The following IL11 variants were observed in gnomAD, a reference collection of about 807,000 sequenced individuals.
IL11 encodes the protein interleukin-11.
IL11 carries 17 observed loss-of-function variants against 18.1 expected under a neutral mutation model. The observed-to-expected ratio is 0.94, with a 90% CI of 0.64 to 1.41. The LOEUF is 1.41. Among genes scored for constraint, IL11 ranks in the 40% most tolerant of loss-of-function variants. The probability of loss-of-function intolerance (pLI) is 0.00; values close to 1 mark genes in which losing one functional copy is unlikely to be tolerated. For synonymous variants in IL11, 144 were observed against 134.1 expected, an observed-to-expected ratio of 1.07 and a Z score of -0.51; for missense variants, 309 against 262.8, an observed-to-expected ratio of 1.18 and a Z score of -1.22.
chr19:55,368,961 G>A lies in IL11; in HGVS notation c.8-20C>T, dbSNP rs979895815. 4.1e-6 allele frequency: 6 copies of A among 1,476,964 alleles called. No homozygotes were observed. In the African/African-American group the frequency reaches 7.0e-5, roughly 17 times the overall value. The allele number at this position is 1,476,964 out of a possible 1,614,324, so 91.5% of individuals were successfully genotyped here. A position where few individuals can be genotyped will look rare whatever the true frequency, so the allele number is the denominator to read the frequency against. On this transcript the variant is annotated intron_variant, in intron 1 of 4. Transcript: ENST00000264563. The stretch of plus-strand genomic sequence containing the variant: ...AAACACCTGGGGGCAGGATAAGGCA[G>A]AGAGCTCAGGCTGGACTCCGGGTCT...
chr19:55,370,233 C>A, intron 1 of IL11, 71 bp downstream of exon 1: 1 of 1,213,920 alleles, frequency 8.2e-7, no homozygotes, highest in South Asian at 1.3e-5. Flanking sequence ...GGGGTCTGCT[C>A]CCACCCCCGC....
In IL11 at chr19:55,368,499, G is replaced by A. The variant is rs955968619; in HGVS notation, c.251C>T (p.Ala84Val). The A allele has an allele frequency of 4.3e-6, 7 of 1,611,594 alleles. No homozygotes were observed. The highest frequency in any genetic ancestry group is 5.9e-6 in the Non-Finnish European group (7 of 1,178,866). The change falls in exon 3 of 5, where the codon GCA becomes GTA. Residue 84 changes from alanine to valine, a missense_variant. Physicochemically the swap from Ala to Val is moderately conservative, Grantham distance 64. Coordinates refer to ENST00000264563, the MANE Select transcript of IL11 (RefSeq NM_000641.4). ...SLPTLAMSAG[A>V]LGALQLPGVL... ...TGCCCTTACCTGTAGAGCTCCCAGT[G>A]CCCCCGCACTCATGGCCAGGGTGGG...
In IL11 at chr19:55,364,579, T is replaced by C. The variant is rs958204330; in HGVS notation, c.*1428A>G. ...CCTTTAGGATTTTTGTTTTAATCCA[T>C]ATATAGAAAGAAAAACACAAAATTG... On this transcript the variant is annotated 3_prime_UTR_variant, in exon 5 of 5. Coordinates refer to ENST00000264563, the MANE Select transcript of IL11 (RefSeq NM_000641.4). The C allele has an allele frequency of 5.9e-5, 9 of 152,204 alleles. No individual in the cohort carries two copies. Among genetic ancestry groups the C allele is most frequent in the African/African-American group, 2.2e-4 (9 of 41,446 alleles). 9.4% of individuals were successfully genotyped at this position (152,204 alleles called of 1,614,324 possible).
In IL11 at chr19:55,369,650, G is replaced by C. The variant is rs1429334583; in HGVS notation, c.7+654C>G. Among the ~76,000 whole-genome samples, 27 of 131,206 alleles carry C rather than the reference G, an allele frequency of 2.1e-4. No individual in the cohort carries two copies. Among genetic ancestry groups the C allele is most frequent in the Admixed American group, 1.9e-3 (27 of 14,102 alleles). The allele number at this position is 131,206 out of a possible 152,430, so 86.1% of individuals were successfully genotyped here. ...GCGCGGGGGGCGCGGGGGGCGCGGG[G>C]GTCCGGAGCTCGCTCCCCGCAGCCC... is the stretch of plus-strand genomic sequence containing the variant. On this transcript the variant is annotated intron_variant, in intron 1 of 4. Coordinates refer to ENST00000264563, the MANE Select transcript of IL11 (RefSeq NM_000641.4). The surrounding 1 kb of genome is among the most constrained non-coding windows in gnomAD (Gnocchi z 6.1).
In IL11 at chr19:55,370,358, G is replaced by C; in HGVS notation, c.-48C>G. On this transcript the variant is annotated 5_prime_UTR_variant, in exon 1 of 5. Coordinates refer to ENST00000264563, the MANE Select transcript of IL11 (RefSeq NM_000641.4). ...CCCAGGGCAGGGGGCAGGGAGCCGG[G>C]GGCCTTTAACCCTTCCCTGTCCGCT... The C allele has an allele frequency of 7.1e-7, 1 of 1,399,218 alleles. No individual in the cohort carries two copies. Among genetic ancestry groups the C allele is most frequent in the East Asian group, 2.9e-5 (1 of 33,982 alleles). 86.7% of individuals were successfully genotyped at this position (1,399,218 alleles called of 1,614,324 possible).
At position 55,365,868 on chromosome 19, in the gene IL11, C is replaced by A; in HGVS notation, c.*139G>T. On this transcript the variant is annotated 3_prime_UTR_variant, in exon 5 of 5. Coordinates refer to ENST00000264563, the MANE Select transcript of IL11 (RefSeq NM_000641.4). ...GTATAAATAAGGCACAGATGCCCCC[C>A]AGGCCTCACGGAAGGACTGTCTCTA... The A allele has an allele frequency of 2.2e-6, 3 of 1,363,526 alleles. No individual in the cohort carries two copies. In the South Asian group the frequency reaches 3.9e-5, roughly 18 times the overall value. 84.5% of individuals were successfully genotyped at this position (1,363,526 alleles called of 1,614,324 possible).
At chr19:55,368,435 T>G in intron 3 of IL11, 48 bp downstream of exon 3, 1 of 1,579,332 alleles carries the variant, frequency 6.3e-7, no homozygotes, top group Middle Eastern at 1.7e-4. Context: ...CCCGCCCCCT[T>G]CACTGCCTGC....
Position 55,365,798 on chromosome 19 carries a change from C to T in IL11, c.*209G>A, listed in dbSNP as rs886544917. ...ACCCCAGTCCCCTCCTCCTCGGGGA[C>T]CCAGGAGTCCACCTGCCTCCCACCC... is the stretch of plus-strand genomic sequence containing the variant. On this transcript the variant is annotated 3_prime_UTR_variant, in exon 5 of 5. Transcript: ENST00000264563. The T allele has an allele frequency of 1.4e-6, 1 of 723,708 alleles. No individual in the cohort carries two copies. The highest frequency in any genetic ancestry group is 2.1e-6 in the Non-Finnish European group (1 of 466,492). 44.8% of individuals were successfully genotyped at this position (723,708 alleles called of 1,614,324 possible).
In IL11 at chr19:55,365,501, C is replaced by T. The variant is rs572947521; in HGVS notation, c.*506G>A. The stretch of plus-strand genomic sequence containing the variant: ...TGAATGGAGGTCTCCCCTCCACCTG[C>T]CCTGCCCCAGTTACCCAAGCATCCA... On this transcript the variant is annotated 3_prime_UTR_variant, in exon 5 of 5. Coordinates refer to ENST00000264563, the MANE Select transcript of IL11 (RefSeq NM_000641.4). The T allele has an allele frequency of 5.9e-6, 1 of 168,548 alleles. No homozygotes were observed. The highest frequency in any genetic ancestry group is 6.3e-5 in the Admixed American group (1 of 15,996). The allele number at this position is 168,548 out of a possible 1,614,324, so 10.4% of individuals were successfully genotyped here.
chr19:55,368,903 G>A lies in IL11; in HGVS notation c.46C>T (p.Pro16Ser). ...GGCCCAGGGGCGACAGCTGTATCTG[G>A]CCACAGGCTCAGCACGACCAGGACC... Reference protein sequence around the residue: ...RLVLVVLSLWPDTAVAPGPPP... With the variant: ...RLVLVVLSLWSDTAVAPGPPP... Residue 16 changes from proline to serine, a missense_variant, in exon 2 of 5, where the codon CCA (proline) becomes TCA (serine). Coordinates refer to ENST00000264563, the MANE Select transcript of IL11 (RefSeq NM_000641.4). 1 of 1,555,828 alleles carries A rather than the reference G, an allele frequency of 6.4e-7. No homozygotes were observed. The highest frequency in any genetic ancestry group is 8.7e-7 in the Non-Finnish European group (1 of 1,148,740).
rs867849030 is a variant in IL11 at position 55,365,902 on chromosome 19, G to A, written c.*105C>T. The A allele has an allele frequency of 1.3e-6, 2 of 1,512,120 alleles. No individual in the cohort carries two copies. Among genetic ancestry groups the A allele is most frequent in the African/African-American group, 2.8e-5 (2 of 71,740 alleles). 93.7% of individuals were successfully genotyped at this position (1,512,120 alleles called of 1,614,324 possible). A position where few individuals can be genotyped will look rare whatever the true frequency, so the allele number is the denominator to read the frequency against. ...CGGAAGGACTGTCTCTAACTAGGGGGAGATAATGGCGGGGGGATCACCTGG... is the reference window on the plus strand; with the variant it reads ...CGGAAGGACTGTCTCTAACTAGGGGAAGATAATGGCGGGGGGATCACCTGG... On this transcript the variant is annotated 3_prime_UTR_variant, in exon 5 of 5. Transcript: ENST00000264563.
intron 2 of IL11, 81 bp from the exon 3 acceptor site, chr19:55,368,650 TC>T: frequency 6.7e-7 from 1 of 1,483,820 alleles, no homozygotes; most frequent in Non-Finnish European, 9.1e-7. Flanking sequence ...CCCCAACTCT[TC>T]CCCTCCCTCA....
In IL11 at chr19:55,366,284, G is replaced by T. The variant is rs1053493550; in HGVS notation, c.430-107C>A. Reference sequence around the variant, plus strand: ...AATCGGGGCTGCATATTCACAGGGGGACTGTGGCGCGTGGGGTGAAGTGTT... The same window carrying T: ...AATCGGGGCTGCATATTCACAGGGGTACTGTGGCGCGTGGGGTGAAGTGTT... On this transcript the variant is annotated intron_variant, in intron 4 of 4. Transcript: ENST00000264563. The surrounding 1 kb of genome is among the most constrained non-coding windows in gnomAD (Gnocchi z 4.6). The T allele has an allele frequency of 5.4e-5, 66 of 1,221,320 alleles. No homozygotes were observed. The highest frequency in any genetic ancestry group is 6.8e-5 in the Non-Finnish European group (62 of 913,050). The allele number at this position is 1,221,320 out of a possible 1,614,324, so 75.7% of individuals were successfully genotyped here. A position where few individuals can be genotyped will look rare whatever the true frequency, so the allele number is the denominator to read the frequency against.
At position 55,368,340 on chromosome 19, in the gene IL11, T is replaced by C. The variant is rs746730859; in HGVS notation, c.299A>G (p.Asp100Gly). The C allele has an allele frequency of 2.5e-6, 4 of 1,599,348 alleles. No individual in the cohort carries two copies. The highest frequency in any genetic ancestry group is 3.4e-6 in the Non-Finnish European group (4 of 1,171,042). Residue 100 changes from aspartate to glycine, a missense_variant, in exon 4 of 5, where the codon GAC becomes GGC. Coordinates refer to ENST00000264563, the MANE Select transcript of IL11 (RefSeq NM_000641.4). ...LPGVLTRLRA[D>G]LLSYLRHVQW... Reference sequence around the variant, plus strand: ...CACGTGCCGCAGGTAGGACAGTAGGTCCGCTCGCAGCCTTGTCAGCACACC... The same window carrying C: ...CACGTGCCGCAGGTAGGACAGTAGGCCCGCTCGCAGCCTTGTCAGCACACC...
Position 55,370,387 on chromosome 19 carries a change from G to A in IL11, c.-77C>T, listed in dbSNP as rs563748039. 6.0e-4 allele frequency: 777 copies of A among 1,287,720 alleles called. 1 individual carries two copies. The African/African-American group carries it at 0.011, about 18-fold the overall frequency. 79.8% of individuals were successfully genotyped at this position (1,287,720 alleles called of 1,614,324 possible). ...CTTTAACCCTTCCCTGTCCGCTGCC[G>A]GGGGAGCCCCGAGGGTCAGCTGGGC... On this transcript the variant is annotated 5_prime_UTR_variant, in exon 1 of 5. Transcript: ENST00000264563.
Position 55,368,227 on chromosome 19 carries a change from G to T in IL11, c.412C>A (p.Arg138Ser). ...GGACATACCAGGAGCTGCAGCCGGC[G>T]CAGCAGCCGGTCCAGTCGGGCCTGC... ...TLQARLDRLL[R>S]RLQLLMSRLA... Residue 138 changes from arginine (R) to serine (S), a missense_variant, in exon 4 of 5, where the codon CGC becomes AGC. Transcript: ENST00000264563. 6.5e-7 allele frequency: 1 copy of T among 1,534,070 alleles called. No individual in the cohort carries two copies. The highest frequency in any genetic ancestry group is 8.8e-7 in the Non-Finnish European group (1 of 1,136,346).
Position 55,365,900 on chromosome 19 carries a change from G to A in IL11, c.*107C>T. 6.6e-7 allele frequency: 1 copy of A among 1,505,070 alleles called. No homozygotes were observed. Among genetic ancestry groups the A allele is most frequent in the Non-Finnish European group, 9.0e-7 (1 of 1,112,860 alleles). The allele number at this position is 1,505,070 out of a possible 1,614,324, so 93.2% of individuals were successfully genotyped here. On this transcript the variant is annotated 3_prime_UTR_variant, in exon 5 of 5. Transcript: ENST00000264563. ...CACGGAAGGACTGTCTCTAACTAGGGGGAGATAATGGCGGGGGGATCACCT... is the reference window on the plus strand; with the variant it reads ...CACGGAAGGACTGTCTCTAACTAGGAGGAGATAATGGCGGGGGGATCACCT...
intron 4 of IL11, among the ~76,000 whole-genome samples, chr19:55,367,723 G>T (rs1025188091): frequency 4.0e-5 from 6 of 151,874 alleles, no homozygotes; most frequent in Non-Finnish European, 7.4e-5. Flanking sequence ...GCCTCCCAAA[G>T]TGCTGGGATT....
rs954611808 is a variant in IL11, at chr19:55,370,356, G to A, written c.-46C>T. The stretch of plus-strand genomic sequence containing the variant: ...TCCCCAGGGCAGGGGGCAGGGAGCC[G>A]GGGGCCTTTAACCCTTCCCTGTCCG... On this transcript the variant is annotated 5_prime_UTR_variant, in exon 1 of 5. Coordinates refer to ENST00000264563, the MANE Select transcript of IL11 (RefSeq NM_000641.4). 12 of 1,396,098 alleles carry A rather than the reference G, an allele frequency of 8.6e-6. No individual in the cohort carries two copies. Among genetic ancestry groups the A allele is most frequent in the Non-Finnish European group, 1.0e-5 (11 of 1,065,224 alleles). The allele number at this position is 1,396,098 out of a possible 1,614,324, so 86.5% of individuals were successfully genotyped here.
Sources: allele counts gnomAD v4.1 joint callset (sites outside exome capture counted in the v4.1 genomes callset), GRCh38; gene constraint gnomAD v4.1.1; non-coding constraint Gnocchi (gnomAD v3.1); transcripts MANE v1.5; gene names NCBI Gene and HGNC (gene_info 2026-07-23, HGNC 2026-07-21).